ORC1: variants seen among roughly 807,000 people sequenced by gnomAD.
The protein encoded by ORC1 is origin recognition complex subunit 1.
Under a neutral mutation model 98.9 loss-of-function variants are expected in ORC1, and 61 were observed. The ratio of observed to expected loss-of-function variants is 0.62; its 90% confidence interval spans 0.50 to 0.76. ORC1 has a LOEUF of 0.76. Among genes scored for constraint, ORC1 ranks in the 30% least tolerant of loss-of-function variants. The probability of loss-of-function intolerance (pLI) is 0.00; values close to 1 mark genes in which losing one functional copy is unlikely to be tolerated. For synonymous variants in ORC1, 385 were observed against 406.9 expected, an observed-to-expected ratio of 0.95 and a Z score of 0.65; for missense variants, 979 against 1,072.2, an observed-to-expected ratio of 0.91 and a Z score of 1.21.
rs1647128064 is a variant in ORC1, at chr1:52,385,275, G to A, written c.1482-13C>T. ...AGAAACATGCAGCCTACCATTGGTGGTAAACGGGAGAAAAGGAAGACTTTA... is the reference window on the plus strand; with the variant it reads ...AGAAACATGCAGCCTACCATTGGTGATAAACGGGAGAAAAGGAAGACTTTA... On this transcript the variant is annotated splice_polypyrimidine_tract_variant and intron_variant, in intron 9 of 16. Transcript: ENST00000371568. The A allele has an allele frequency of 6.5e-7, 1 of 1,541,004 alleles. No homozygotes were observed. Among genetic ancestry groups the A allele is most frequent in the East Asian group, 2.2e-5 (1 of 44,552 alleles).
At chr1:52,408,807 A>G (rs1395857330), upstream of ORC1, 11 of 1,286,280 alleles carry the variant, frequency 8.6e-6, no homozygotes, top group Non-Finnish European at 1.1e-5. Flanking sequence ...CTACATTGTT[A>G]CTGTCTCTAT....
At chr1:52,405,697 A>G (rs1319932749), upstream of ORC1, 1 of 1,613,330 alleles carries the variant, frequency 6.2e-7, no homozygotes, top group Non-Finnish European at 8.5e-7. Flanking sequence ...TGTAGTCGAT[A>G]AAGCCATGGA....
At chr1:52,377,703 CAAAAAA>C (rs58266239) in intron 14 of ORC1, among the ~76,000 whole-genome samples, 11 of 58,774 alleles carry the variant, frequency 1.9e-4, no homozygotes, top group Non-Finnish European at 3.6e-4. Flanking sequence ...CCCCTAGAAG[CAAAAAA>C]AAAAAAAAAA....
intron 1 of ORC1, among the ~76,000 whole-genome samples, chr1:52,402,759 C>A (rs1264050470): frequency 1.3e-5 from 2 of 152,142 alleles, no homozygotes; most frequent in Non-Finnish European, 2.9e-5. Flanking sequence ...CATGGTGAAA[C>A]CCCGTCTCTA....
intron 6 of ORC1, 90 bp downstream of exon 6, chr1:52,393,353 A>G (rs1647264482): frequency 1.3e-6 from 2 of 1,564,298 alleles, no homozygotes; most frequent in East Asian, 4.5e-5. Flanking sequence ...AGGTTTTTCA[A>G]CTACTGTTCT....
At chr1:52,404,873 C>T, upstream of ORC1, 1 of 1,613,820 alleles carries the variant, frequency 6.2e-7, no homozygotes, top group Non-Finnish European at 8.5e-7. Context: ...GTGCTTTGGA[C>T]TTACAGGTAA....
chr1:52,391,596 C>T (rs1417435949), intron 6 of ORC1, among the ~76,000 whole-genome samples: 1 of 151,992 alleles, frequency 6.6e-6, no homozygotes, highest in Non-Finnish European at 1.5e-5. Flanking sequence ...AACAAATAAT[C>T]CCATCAAAAA....
rs187710420 is a variant in ORC1, at chr1:52,383,566, C to T, written c.1867G>A (p.Asp623Asn). Residue 623 changes from aspartate (D) to asparagine (N), a missense_variant, in exon 13 of 17, where the codon GAC (aspartate) becomes AAC (asparagine). Coordinates refer to ENST00000371568, the MANE Select transcript of ORC1 (RefSeq NM_004153.4). ...ETTVLLVDEL[D>N]LLWTHKQDIM... ...TCTTGTTTGTGAGTCCACAGAAGGT[C>T]GAGCTGCCAGGGCAAAGGAGAGAGG... 36 of 1,614,008 alleles carry T rather than the reference C, an allele frequency of 2.2e-5. No individual in the cohort carries two copies. Among genetic ancestry groups the T allele is most frequent in the Non-Finnish European group, 2.8e-5 (33 of 1,180,018 alleles).
rs1469890857 is a variant in ORC1 at position 52,397,763 on chromosome 1, A to C, written c.324T>G (p.Gly108=). The part of the protein sequence containing the change: ...CKRHLLGRKP[G]AQEIFWYDYP... ...AATCATACCAGAATATTTCCTGTGCACCAGGCTTCCGGCCCAACAAATGCC... is the reference window on the plus strand; with the variant it reads ...AATCATACCAGAATATTTCCTGTGCCCCAGGCTTCCGGCCCAACAAATGCC... Residue 108 remains glycine, a synonymous_variant, in exon 4 of 17, where the codon GGT becomes GGG. Transcript: ENST00000371568. The C allele has an allele frequency of 1.2e-6, 2 of 1,614,218 alleles. No individual in the cohort carries two copies. The highest frequency in any genetic ancestry group is 3.3e-5 in the Admixed American group (2 of 60,032).
chr1:52,402,204 C>T lies in ORC1; in HGVS notation c.20G>A (p.Arg7Lys). MAHYPT[R>K]LKTRKTYSWV... ...TGAATAAGTTTTTCTGGTCTTCAGC[C>T]TTGTGGGGTAGTGTGCCATGGCTTC... Residue 7 changes from arginine (R) to lysine (K), a missense_variant, in exon 2 of 17, where the codon AGG (arginine) becomes AAG (lysine). Transcript: ENST00000371568. The T allele has an allele frequency of 6.2e-7, 1 of 1,614,140 alleles. No homozygotes were observed. Among genetic ancestry groups the T allele is most frequent in the Non-Finnish European group, 8.5e-7 (1 of 1,180,028 alleles).
In ORC1 at chr1:52,396,477, T is replaced by C. The variant is rs1032903406; in HGVS notation, c.403-113A>G. 39 of 1,324,868 alleles carry C rather than the reference T, an allele frequency of 2.9e-5. No individual in the cohort carries two copies. The African/African-American group carries it at 4.7e-4, about 16-fold the overall frequency. 82.1% of individuals were successfully genotyped at this position (1,324,868 alleles called of 1,614,324 possible). On this transcript the variant is annotated intron_variant, in intron 4 of 16. Coordinates refer to ENST00000371568, the MANE Select transcript of ORC1 (RefSeq NM_004153.4). ...GAAGTCCACATCTGTACCTAAAATG[T>C]TACCTTTCCAATCTAAAGACGCATA...
chr1:52,383,686 C>T (rs1054297312), intron 12 of ORC1, 117 bp from the exon 13 acceptor site: 2 of 1,353,968 alleles, frequency 1.5e-6, no homozygotes, highest in Admixed American at 3.6e-5. Flanking sequence ...AGCACCAAAA[C>T]AATCCATTGA....
chr1:52,375,407 G>C, intron 15 of ORC1, 23 bp downstream of exon 15: 1 of 1,610,528 alleles, frequency 6.2e-7, no homozygotes, highest in Non-Finnish European at 8.5e-7. Context: ...TTCCAGGAAG[G>C]CTCAGGAAGT....
At chr1:52,409,187 C>T (rs1431892354), upstream of ORC1, 1 of 153,850 alleles carries the variant, frequency 6.5e-6, no homozygotes, top group Non-Finnish European at 1.4e-5. Flanking sequence ...ATACCTTCTA[C>T]AAGGAGATTA....
chr1:52,391,298 G>A (rs1452883511), intron 6 of ORC1, among the ~76,000 whole-genome samples: 1 of 141,832 alleles, frequency 7.1e-6, no homozygotes, highest in East Asian at 2.1e-4. Context: ...GTCAGACAGA[G>A]TGAGACTCCA....
rs1279109042 is a variant in ORC1, at chr1:52,383,507, A to T, written c.1926T>A (p.His642Gln). Reference protein sequence around the residue: ...IMYNLFDWPTHKEARLVVLAI... With the variant: ...IMYNLFDWPTQKEARLVVLAI... ...CCAGGACCACAAGCCGGGCCTCCTT[A>T]TGAGTGGGCCAGTCAAAGAGATTGT... The change falls in exon 13 of 17, where the codon CAT becomes CAA. Residue 642 changes from histidine (H) to glutamine (Q), a missense_variant. Transcript: ENST00000371568. 1.2e-6 allele frequency: 2 copies of T among 1,613,780 alleles called. No homozygotes were observed. The highest frequency in any genetic ancestry group is 1.7e-5 in the Admixed American group (1 of 60,004).
Position 52,372,973 on chromosome 1 carries a change from C to T in ORC1, c.*208G>A. The T allele has an allele frequency of 1.7e-6, 1 of 595,168 alleles. No homozygotes were observed. Among genetic ancestry groups the T allele is most frequent in the South Asian group, 1.8e-5 (1 of 55,686 alleles). 36.9% of individuals were successfully genotyped at this position (595,168 alleles called of 1,614,324 possible). Reference sequence around the variant, plus strand: ...TTGGCAACATGGTGAAGCCCTGTCTCTACAAAAAATCAGCTGGGCATGGTG... The same window carrying T: ...TTGGCAACATGGTGAAGCCCTGTCTTTACAAAAAATCAGCTGGGCATGGTG... On this transcript the variant is annotated 3_prime_UTR_variant, in exon 17 of 17. Coordinates refer to ENST00000371568, the MANE Select transcript of ORC1 (RefSeq NM_004153.4).
rs1484686658 is a variant in ORC1 at position 52,393,074 on chromosome 1, CAAT to C, written c.1082+366_1082+368del. On this transcript the variant is annotated intron_variant, in intron 6 of 16. Transcript: ENST00000371568. ...TTGAAATAAAATGAAACAACAACAA[CAAT>C]GAAAAACTGCTTTAAAAAATGACTG... 4.6e-5 allele frequency among the ~76,000 whole-genome samples: 7 copies of C among 152,248 alleles called. No individual in the cohort carries two copies. The East Asian group carries it at 9.6e-4, about 21-fold the overall frequency.
upstream of ORC1, chr1:52,405,917 T>A: frequency 8.5e-7 from 1 of 1,174,066 alleles, no homozygotes; most frequent in Non-Finnish European, 1.3e-6. Context: ...AAGAGGGGTG[T>A]ACACAATGTA....
Sources: allele counts gnomAD v4.1 joint callset (sites outside exome capture counted in the v4.1 genomes callset), GRCh38; gene constraint gnomAD v4.1.1; transcripts MANE v1.5; gene names NCBI Gene and HGNC (gene_info 2026-07-23, HGNC 2026-07-21).